The following AP1S3 variants were observed in gnomAD, a reference collection of about 807,000 sequenced individuals.
The protein encoded by AP1S3 is adaptor related protein complex 1 subunit sigma 3.
AP1S3 carries 10 observed loss-of-function variants against 20.9 expected under a neutral mutation model. The observed-to-expected ratio is 0.48, with a 90% CI of 0.29 to 0.81. The LOEUF is 0.81. Ranked by LOEUF, AP1S3 falls within the 30% of genes least tolerant of loss-of-function variation. AP1S3 has a pLI of 0.08. For synonymous variants in AP1S3, 41 were observed against 61.5 expected, an observed-to-expected ratio of 0.67 and a Z score of 1.56; for missense variants, 154 against 183.8, an observed-to-expected ratio of 0.84 and a Z score of 0.94.
chr2:223,777,751 G>GA lies in AP1S3; in HGVS notation c.121dup (p.Ser41PhefsTer11). 6 of 1,614,168 alleles carry GA rather than the reference G, an allele frequency of 3.7e-6. No individual in the cohort carries two copies. The highest frequency in any genetic ancestry group is 5.1e-6 in the Non-Finnish European group (6 of 1,180,028). On this transcript the variant is annotated frameshift_variant, in exon 2 of 5. Transcript: ENST00000396654. LOFTEE classifies it high-confidence loss of function. The stretch of plus-strand genomic sequence containing the variant: ...AAAACTGCTTGTCCTGTGACCACGG[G>GA]AGAGAATAATCTGAACAATTTCCCG...
At chr2:223,774,331 C>T (rs1690708222) in intron 3 of AP1S3, among the ~76,000 whole-genome samples, 1 of 151,906 alleles carries the variant, frequency 6.6e-6, no homozygotes, top group South Asian at 2.1e-4. Context: ...TGCCATTGCA[C>T]TCCAGCCTGG....
intron 1 of AP1S3, among the ~76,000 whole-genome samples, chr2:223,780,891 C>T (rs985608502): frequency 2.6e-5 from 4 of 151,834 alleles, no homozygotes; most frequent in Admixed American, 6.6e-5. Flanking sequence ...ACCTGTCAAT[C>T]AGGCACTGAG....
intron 3 of AP1S3, among the ~76,000 whole-genome samples, chr2:223,774,916 C>T (rs1214430570): frequency 6.7e-6 from 1 of 149,174 alleles, no homozygotes. Flanking sequence ...AAGGGATTTC[C>T]AGGACAGAGC....
chr2:223,796,974 T>A (rs1038891545), intron 1 of AP1S3, among the ~76,000 whole-genome samples: 1 of 152,182 alleles, frequency 6.6e-6, no homozygotes, highest in African/African-American at 2.4e-5. Flanking sequence ...CTCTAACGAC[T>A]TTTTCTATCA....
intron 1 of AP1S3, among the ~76,000 whole-genome samples, chr2:223,830,466 G>T (rs1692232446): frequency 1.4e-5 from 2 of 138,216 alleles, no homozygotes; most frequent in Admixed American, 1.5e-4. Flanking sequence ...GTGACAGAGT[G>T]AGACTCTCTC....
rs777116450 is a variant in AP1S3, at chr2:223,765,193, G to T, written c.429+20C>A. 2.5e-6 allele frequency: 4 copies of T among 1,603,602 alleles called. No individual in the cohort carries two copies. The South Asian group carries it at 4.5e-5, about 18-fold the overall frequency. ...TCATCATCATCATCTTTCTCCCATG[G>T]TTTGGGAAACCGTACTGACCTCCTG... On this transcript the variant is annotated intron_variant, in intron 4 of 4. Transcript: ENST00000396654.
intron 1 of AP1S3, among the ~76,000 whole-genome samples, chr2:223,816,039 G>A (rs565321791): frequency 6.6e-6 from 1 of 152,356 alleles, no homozygotes; most frequent in East Asian, 1.9e-4. Context: ...GAGCCTGGGA[G>A]GCTGAGGCTG....
At chr2:223,788,861 TG>T (rs1351404356) in intron 1 of AP1S3, among the ~76,000 whole-genome samples, 1 of 152,032 alleles carries the variant, frequency 6.6e-6, no homozygotes, top group Non-Finnish European at 1.5e-5. Flanking sequence ...TGAAAAGCTA[TG>T]TATGTAAGGT....
At chr2:223,771,364 T>C (rs1306294586) in intron 3 of AP1S3, among the ~76,000 whole-genome samples, 1 of 151,862 alleles carries the variant, frequency 6.6e-6, no homozygotes, top group Admixed American at 6.6e-5. Context: ...TAAAATAAAA[T>C]AAAATAATAA....
At chr2:223,763,889 A>G (rs563335962) in intron 4 of AP1S3, among the ~76,000 whole-genome samples, 1 of 152,300 alleles carries the variant, frequency 6.6e-6, no homozygotes, top group African/African-American at 2.4e-5. Flanking sequence ...AAATAGCAGG[A>G]AAAAAGTAGC....
intron 1 of AP1S3, among the ~76,000 whole-genome samples, chr2:223,825,514 C>T (rs1692108420): frequency 1.3e-5 from 2 of 152,084 alleles, no homozygotes; most frequent in Admixed American, 1.3e-4. Flanking sequence ...CAGGCTCAGC[C>T]CCAGGCCTGT....
intron 1 of AP1S3, among the ~76,000 whole-genome samples, chr2:223,807,867 CTTTTTTTTTTT>C (rs138805104): frequency 4.6e-5 from 2 of 43,222 alleles, no homozygotes; most frequent in Non-Finnish European, 7.7e-5. Flanking sequence ...CATTTCTTTT[CTTTTTTTTTTT>C]TTTTTTTTTT....
intron 1 of AP1S3, among the ~76,000 whole-genome samples, chr2:223,813,590 C>T (rs557964307): frequency 8.4e-4 from 128 of 152,272 alleles, no homozygotes; most frequent in Non-Finnish European, 1.6e-3. Flanking sequence ...GGCAGCAGAT[C>T]CCCAACTCTG....
At chr2:223,815,758 C>T (rs1324753664) in intron 1 of AP1S3, among the ~76,000 whole-genome samples, 1 of 152,180 alleles carries the variant, frequency 6.6e-6, no homozygotes, top group Admixed American at 6.5e-5. Flanking sequence ...AAAACTGCAA[C>T]TTTAAGCAAA....
At chr2:223,783,142 G>C (rs1184057886) in intron 1 of AP1S3, among the ~76,000 whole-genome samples, 4 of 152,162 alleles carry the variant, frequency 2.6e-5, no homozygotes, top group Non-Finnish European at 5.9e-5. Flanking sequence ...CAACACTCTA[G>C]CATTCCCTTT....
chr2:223,779,470 G>A (rs1462347310), intron 1 of AP1S3, among the ~76,000 whole-genome samples: 1 of 152,174 alleles, frequency 6.6e-6, no homozygotes, highest in East Asian at 1.9e-4. Context: ...GGAATTGTCA[G>A]ATGGCCTAAT....
At chr2:223,798,080 C>T (rs961896083) in intron 1 of AP1S3, among the ~76,000 whole-genome samples, 1 of 152,160 alleles carries the variant, frequency 6.6e-6, no homozygotes, top group Non-Finnish European at 1.5e-5. Flanking sequence ...TACATATATA[C>T]ATCAAATGTC....
intron 3 of AP1S3, among the ~76,000 whole-genome samples, chr2:223,767,575 T>C (rs1690513971): frequency 6.6e-6 from 1 of 151,766 alleles, no homozygotes; most frequent in African/African-American, 2.4e-5. Context: ...CTGGACAATC[T>C]TGCTGACTCT....
intron 4 of AP1S3, among the ~76,000 whole-genome samples, chr2:223,764,704 C>A (rs1467341752): frequency 6.6e-6 from 1 of 152,176 alleles, no homozygotes; most frequent in Non-Finnish European, 1.5e-5. Context: ...GCTTTAATAT[C>A]TCTGGCAAAC....
Sources: gnomAD v4.1 joint callset for allele counts (sites outside exome capture counted in the v4.1 genomes callset) on GRCh38, gnomAD v4.1.1 for gene constraint, MANE v1.5 for transcripts, NCBI Gene and HGNC (gene_info 2026-07-23, HGNC 2026-07-21) for gene names.